ACIN1: variants seen among roughly 807,000 people sequenced by gnomAD.
The protein encoded by ACIN1 is apoptotic chromatin condensation inducer 1, also known as apoptotic chromatin condensation inducer in the nucleus.
A neutral mutation model predicts 146.6 loss-of-function variants in ACIN1; 16 were observed. The ratio of observed to expected loss-of-function variants is 0.11; its 90% confidence interval spans 0.07 to 0.17. ACIN1 has a LOEUF of 0.17. Ranked by LOEUF, ACIN1 falls within the 10% of genes least tolerant of loss-of-function variation. The pLI is 1.00. For synonymous variants in ACIN1, 569 were observed against 582.7 expected (o/e 0.98, Z 0.34); for missense variants, 1,357 against 1,609.3 (o/e 0.84, Z 2.68).
rs939544228 is a variant in ACIN1, at chr14:23,061,366, C to T, written c.3356G>A (p.Arg1119Gln). 18 of 1,613,996 alleles carry T rather than the reference C, an allele frequency of 1.1e-5. No individual in the cohort carries two copies. The highest frequency in any genetic ancestry group is 1.0e-4 in the Admixed American group (6 of 59,996). The change falls in exon 17 of 19, where the codon CGA becomes CAA. Residue 1119 changes from arginine (R) to glutamine (Q), a missense_variant. Arg to Gln is a conservative substitution (Grantham distance 43). Coordinates refer to ENST00000605057, the MANE Select transcript of ACIN1 (RefSeq NM_001386863.1). ...GCGGCGGCGGTCACGGGACCTTGAT[C>T]GGGAACGGGGCCCTTCTCGAACTTT... ...RDKVREGPRS[R>Q]SRSRDRRRKE...
rs2047902030 is a variant in ACIN1, at chr14:23,080,022, G to A, written c.1313C>T (p.Pro438Leu). 6.2e-7 allele frequency: 1 copy of A among 1,613,954 alleles called. No homozygotes were observed. Among genetic ancestry groups the A allele is most frequent in the Non-Finnish European group, 8.5e-7 (1 of 1,180,048 alleles). ...AACCAGAGGCAGGACACTCTCCTCT[G>A]GCACTTTCTCTGCTGGAGATTCTGC... Reference protein sequence around the residue: ...TKAESPAEKVPEESVLPLVQK... With the variant: ...TKAESPAEKVLEESVLPLVQK... The change falls in exon 6 of 19, where the codon CCA becomes CTA. Residue 438 changes from proline to leucine, a missense_variant. Pro to Leu is a moderately conservative substitution (Grantham distance 98). Around this residue, in one of 4 missense-constraint regions of ACIN1, gnomAD observed 771 missense variants for 746.6 expected, o/e 1.03. Transcript: ENST00000605057.
Position 23,068,316 on chromosome 14 carries a change from G to C in ACIN1, c.2265+1160C>G, listed in dbSNP as rs1376371467. On this transcript the variant is annotated intron_variant, in intron 9 of 18. Coordinates refer to ENST00000605057, the MANE Select transcript of ACIN1 (RefSeq NM_001386863.1). This position sits in a 1 kb window ranked among gnomAD's most constrained non-coding sequence, Gnocchi z 4.3. ...ACAAGGCAACCCACAGTCCTCAAAA[G>C]GGCAAGGGCATGTGGGCAGGCGCCC... The C allele has an allele frequency of 1.0e-6, 1 of 985,832 alleles. No homozygotes were observed. The highest frequency in any genetic ancestry group is 1.2e-6 in the Non-Finnish European group (1 of 829,982). 61.1% of individuals were successfully genotyped at this position (985,832 alleles called of 1,614,324 possible). A position where few individuals can be genotyped will look rare whatever the true frequency, so the allele number is the denominator to read the frequency against.
intron 12 of ACIN1, 146 bp downstream of exon 12, chr14:23,063,959 A>G: frequency 9.6e-7 from 1 of 1,043,020 alleles, no homozygotes; most frequent in Middle Eastern, 3.1e-4. Flanking sequence ...TGGATTTGGT[A>G]GTCTGACCCC....
intron 3 of ACIN1, 82 bp downstream of exon 3, chr14:23,090,440 T>C (rs1289144600): frequency 8.2e-7 from 1 of 1,222,098 alleles, no homozygotes; most frequent in Non-Finnish European, 1.2e-6. Context: ...TTTCTGAAAT[T>C]GTCTAGTTAG....
intron 4 of ACIN1, among the ~76,000 whole-genome samples, chr14:23,083,451 G>A (rs150396197): frequency 1.7e-4 from 26 of 152,278 alleles, no homozygotes; most frequent in South Asian, 1.5e-3. Context: ...TCAACTAGGC[G>A]GCCGGGCACG....
Position 23,080,012 on chromosome 14 carries a change from A to T in ACIN1, c.1323T>A (p.Ser441Arg). Reference sequence around the variant, plus strand: ...TGCTTTTCTGAACCAGAGGCAGGACACTCTCCTCTGGCACTTTCTCTGCTG... The same window carrying T: ...TGCTTTTCTGAACCAGAGGCAGGACTCTCTCCTCTGGCACTTTCTCTGCTG... ...ESPAEKVPEE[S>R]VLPLVQKSTL... is the part of the protein sequence containing the mutation. The change falls in exon 6 of 19, where the codon AGT (serine) becomes AGA (arginine). Residue 441 changes from serine (S) to arginine (R), a missense_variant. Coordinates refer to ENST00000605057, the MANE Select transcript of ACIN1 (RefSeq NM_001386863.1). 2 of 1,613,928 alleles carry T rather than the reference A, an allele frequency of 1.2e-6. No homozygotes were observed.
At chr14:23,090,985 A>C (rs968333037) in intron 2 of ACIN1, among the ~76,000 whole-genome samples, 22 of 152,176 alleles carry the variant, frequency 1.4e-4, no homozygotes, top group African/African-American at 5.3e-4. Flanking sequence ...CCTCACTGCA[A>C]CCTCTGCCTC....
intron 4 of ACIN1, among the ~76,000 whole-genome samples, chr14:23,084,723 G>T (rs890215142): frequency 1.4e-4 from 22 of 152,226 alleles, no homozygotes; most frequent in African/African-American, 5.3e-4. Flanking sequence ...GGACCTCTGA[G>T]TATATACCAT....
intron 14 of ACIN1, 133 bp from the exon 15 acceptor site, chr14:23,062,656 A>G: frequency 1.1e-6 from 1 of 878,098 alleles, no homozygotes; most frequent in East Asian, 2.5e-5. Flanking sequence ...GGAACCTTGC[A>G]GTAAGAATGT....
At chr14:23,061,670 C>T (rs1477528601) in intron 16 of ACIN1, 48 bp from the exon 17 acceptor site, 2 of 1,460,734 alleles carry the variant, frequency 1.4e-6, no homozygotes, top group Admixed American at 2.5e-5. Flanking sequence ...GGTGATATCA[C>T]TCCCACTCAA....
chr14:23,059,285 G>A lies in ACIN1; in HGVS notation c.3715C>T (p.Arg1239Trp), dbSNP rs1300041756. The A allele has an allele frequency of 2.5e-6, 4 of 1,599,914 alleles. No homozygotes were observed. The highest frequency in any genetic ancestry group is 2.2e-5 in the South Asian group (2 of 90,782). Residue 1239 changes from arginine (R) to tryptophan (W), a missense_variant, in exon 19 of 19, where the codon CGG becomes TGG. By Grantham distance (101) the Arg-to-Trp change is moderately radical. Coordinates refer to ENST00000605057, the MANE Select transcript of ACIN1 (RefSeq NM_001386863.1). ...RDRERERERE[R>W]DRGDRDRDRE... The stretch of plus-strand genomic sequence containing the variant: ...TCCCGATCTCGGTCCCCCCTGTCCC[G>A]CTCCCTTTCTCTCTCTCTCTCCCTG...
At position 23,078,224 on chromosome 14, in the gene ACIN1, C is replaced by T; in HGVS notation, c.2050G>A (p.Ala684Thr). 6.2e-7 allele frequency: 1 copy of T among 1,614,180 alleles called. No homozygotes were observed. The highest frequency in any genetic ancestry group is 8.5e-7 in the Non-Finnish European group (1 of 1,180,026). Residue 684 changes from alanine to threonine, a missense_variant, in exon 8 of 19, where the codon GCT becomes ACT. By Grantham distance (58) the Ala-to-Thr change is moderately conservative (BLOSUM62 0). Transcript: ENST00000605057. ...KCEAEEAEPP[A>T]ATQPQTSETQ... Reference sequence around the variant, plus strand: ...TCTGAGGTTTGGGGCTGTGTGGCAGCTGGTGGCTCTGCCTCTTCAGCTTCA... The same window carrying T: ...TCTGAGGTTTGGGGCTGTGTGGCAGTTGGTGGCTCTGCCTCTTCAGCTTCA...
rs528402352 is a variant in ACIN1, at chr14:23,070,739, A to G, written c.2124-1122T>C. Among the ~76,000 whole-genome samples, 8 of 152,106 alleles carry G rather than the reference A, an allele frequency of 5.3e-5. No individual in the cohort carries two copies. The East Asian group carries it at 1.5e-3, about 29-fold the overall frequency. ...CTCCCAGGCCGATAACCACCACCAGAAAAGTCAGCATTCCCAACAGGCTGA... is the reference window on the plus strand; with the variant it reads ...CTCCCAGGCCGATAACCACCACCAGGAAAGTCAGCATTCCCAACAGGCTGA... On this transcript the variant is annotated intron_variant, in intron 8 of 18. Transcript: ENST00000605057.
intron 18 of ACIN1, among the ~76,000 whole-genome samples, chr14:23,059,761 C>T (rs1241527817): frequency 2.6e-5 from 4 of 151,258 alleles, no homozygotes. Flanking sequence ...TCACACCATT[C>T]TCCTGCCTCA....
intron 4 of ACIN1, among the ~76,000 whole-genome samples, chr14:23,087,074 T>C (rs1028267194): frequency 6.6e-6 from 1 of 152,226 alleles, no homozygotes; most frequent in African/African-American, 2.4e-5. Context: ...AGAAAAATGT[T>C]AGTAGGAAAC....
At chr14:23,090,722 T>A in intron 2 of ACIN1, 89 bp from the exon 3 acceptor site, 2 of 944,220 alleles carry the variant, frequency 2.1e-6, no homozygotes, top group Non-Finnish European at 3.2e-6. Flanking sequence ...GGTCCACTCC[T>A]TATAGTTGCG....
chr14:23,094,289 T>C (rs975738535), intron 1 of ACIN1, among the ~76,000 whole-genome samples: 1 of 152,092 alleles, frequency 6.6e-6, no homozygotes, highest in African/African-American at 2.4e-5. Flanking sequence ...ACCTATACAC[T>C]TGAATCGAGC....
At position 23,090,652 on chromosome 14, in the gene ACIN1, AAC is replaced by A. The variant is rs2048205142; in HGVS notation, c.205-21_205-20del. On this transcript the variant is annotated intron_variant, in intron 2 of 18. Transcript: ENST00000605057. ...CACCAATCTGTGTAGAGGAAATGAA[AAC>A]AGAGGGTCTAGGAAAACAAACCAGG... is the stretch of plus-strand genomic sequence containing the variant. 1 of 1,592,912 alleles carries A rather than the reference AAC, an allele frequency of 6.3e-7. No homozygotes were observed.
intron 8 of ACIN1, chr14:23,071,082 G>C: frequency 6.5e-7 from 1 of 1,532,670 alleles, no homozygotes; most frequent in South Asian, 1.2e-5. Context: ...AAGGGAGCTA[G>C]GGCGGCGGGG....
Sources: gnomAD v4.1 joint callset for allele counts (sites outside exome capture counted in the v4.1 genomes callset) on GRCh38, gnomAD v4.1.1 for gene constraint, gnomAD v4.1.1 regional missense constraint, Gnocchi (gnomAD v3.1) non-coding constraint, MANE v1.5 for transcripts, NCBI Gene and HGNC (gene_info 2026-07-23, HGNC 2026-07-21) for gene names.